The following FGF1 variants were observed in gnomAD, a reference collection of about 807,000 sequenced individuals.
FGF1 encodes fibroblast growth factor 1.
Under a neutral mutation model 13.4 loss-of-function variants are expected in FGF1, and 9 were observed. That is an observed-to-expected ratio of 0.67 (90% CI 0.40 to 1.17). The LOEUF is 1.17. Ranked by LOEUF, FGF1 falls within the 50% of genes most tolerant of loss-of-function variation. FGF1 has a pLI of 0.01. For missense variants in FGF1, 156 were observed against 192.7 expected, an observed-to-expected ratio of 0.81 and a Z score of 1.13; for synonymous variants, 93 against 79.0, an observed-to-expected ratio of 1.18 and a Z score of -0.94.
At chr5:142,641,311 G>T (rs1765167565) in intron 1 of FGF1, among the ~76,000 whole-genome samples, 1 of 152,020 alleles carries the variant, frequency 6.6e-6, no homozygotes, top group Non-Finnish European at 1.5e-5. Flanking sequence ...TGAGATTTCT[G>T]CTGTCTGGTT....
intron 1 of FGF1, among the ~76,000 whole-genome samples, chr5:142,650,755 T>A (rs918723988): frequency 5.3e-5 from 8 of 152,156 alleles, no homozygotes; most frequent in Non-Finnish European, 1.0e-4. Context: ...GATATTGCTG[T>A]AGTATTAATT....
intron 3 of FGF1, among the ~76,000 whole-genome samples, chr5:142,597,616 T>C (rs1481667915): frequency 2.0e-5 from 3 of 152,240 alleles, no homozygotes; most frequent in Non-Finnish European, 2.9e-5. Context: ...AAAACACTTA[T>C]GCTGGAACTG....
chr5:142,606,613 T>G (rs886409494), intron 2 of FGF1, among the ~76,000 whole-genome samples: 1 of 152,016 alleles, frequency 6.6e-6, no homozygotes, highest in Non-Finnish European at 1.5e-5. Context: ...CAGAGCGAGA[T>G]TCCATCTCAA....
chr5:142,626,909 G>A (rs1417944567), intron 1 of FGF1: 1 of 152,220 alleles, frequency 6.6e-6, no homozygotes, highest in African/African-American at 2.4e-5. Context: ...TTTCTGCTGT[G>A]TCATTAAGTT....
intron 1 of FGF1, among the ~76,000 whole-genome samples, chr5:142,635,072 A>C (rs1045534468): frequency 2.6e-5 from 4 of 152,144 alleles, no homozygotes; most frequent in African/African-American, 9.7e-5. Context: ...CAGGGGCTGA[A>C]TGTCTTAAGG....
At chr5:142,678,014 G>A (rs765004995) in intron 1 of FGF1, among the ~76,000 whole-genome samples, 1 of 152,180 alleles carries the variant, frequency 6.6e-6, no homozygotes, top group Non-Finnish European at 1.5e-5. Flanking sequence ...GAAGAACTGG[G>A]GGGAAAGCAT....
intron 3 of FGF1, among the ~76,000 whole-genome samples, chr5:142,595,842 G>A (rs148487508): frequency 6.6e-6 from 1 of 152,302 alleles, no homozygotes; most frequent in African/African-American, 2.4e-5. Flanking sequence ...TACCTTGAGG[G>A]CAGGGCTGGA....
chr5:142,671,788 C>T (rs1771512139), intron 1 of FGF1: 2 of 152,214 alleles, frequency 1.3e-5, no homozygotes, highest in African/African-American at 4.8e-5. Context: ...TTGTTTCATT[C>T]CAGGCAGAGT....
intron 1 of FGF1, among the ~76,000 whole-genome samples, chr5:142,661,155 G>A (rs1240373491): frequency 6.6e-6 from 1 of 152,106 alleles, no homozygotes; most frequent in Non-Finnish European, 1.5e-5. Flanking sequence ...ATATTATTGA[G>A]CACCTGTGAC....
intron 1 of FGF1, among the ~76,000 whole-genome samples, chr5:142,620,221 T>C (rs1406059945): frequency 6.6e-6 from 1 of 151,992 alleles, no homozygotes; most frequent in Non-Finnish European, 1.5e-5. Flanking sequence ...ATCGAGACCA[T>C]CCTGGCTAAC....
intron 3 of FGF1, among the ~76,000 whole-genome samples, chr5:142,598,902 C>T (rs141713459): frequency 3.9e-5 from 6 of 152,064 alleles, no homozygotes; most frequent in Non-Finnish European, 5.9e-5. Context: ...TTACAATAAA[C>T]GTCAAAATTT....
upstream of FGF1, among the ~76,000 whole-genome samples, chr5:142,688,600 C>T (rs1037831151): frequency 1.3e-5 from 2 of 152,236 alleles, no homozygotes; most frequent in Admixed American, 6.5e-5. Flanking sequence ...AGCTCTTACA[C>T]CACTTTAAAA....
intron 1 of FGF1, among the ~76,000 whole-genome samples, chr5:142,656,134 C>G (rs572815081): frequency 3.9e-5 from 6 of 152,210 alleles, no homozygotes; most frequent in African/African-American, 9.6e-5. Context: ...AATCTGTGAA[C>G]AAATTTCCCA....
At chr5:142,646,099 T>C (rs1361873606) in intron 1 of FGF1, among the ~76,000 whole-genome samples, 46 of 150,868 alleles carry the variant, frequency 3.0e-4, no homozygotes, top group African/African-American at 9.7e-4. Context: ...GTAGTAGAGA[T>C]GGGGTTTCAG....
intron 1 of FGF1, among the ~76,000 whole-genome samples, chr5:142,675,874 T>G (rs1772480795): frequency 6.6e-6 from 1 of 152,312 alleles, no homozygotes; most frequent in East Asian, 1.9e-4. Context: ...GTACATATAT[T>G]GAGGAACTGA....
chr5:142,693,637 TA>T (rs1408503808), intron 2 of FGF1, among the ~76,000 whole-genome samples: 1 of 152,182 alleles, frequency 6.6e-6, no homozygotes, highest in Non-Finnish European at 1.5e-5. Flanking sequence ...AATTTTAGAA[TA>T]TTTTTGTCAC....
At position 142,614,003 on chromosome 5, in the gene FGF1, G is replaced by T. The variant is rs770103681; in HGVS notation, c.125C>A (p.Pro42Gln). ...CCTTGTCCCATCCACTGTGCCATCCGGAAGGATCCTCAGGAAGTGGCCCCC... is the reference window on the plus strand; with the variant it reads ...CCTTGTCCCATCCACTGTGCCATCCTGAAGGATCCTCAGGAAGTGGCCCCC... ...SNGGHFLRIL[P>Q]DGTVDGTRDR... The change falls in exon 2 of 4, where the codon CCG becomes CAG. Residue 42 changes from proline to glutamine, a missense_variant. Pro to Gln is a moderately conservative substitution (Grantham distance 76). Coordinates refer to ENST00000337706, the MANE Select transcript of FGF1 (RefSeq NM_000800.5). 1.2e-6 allele frequency: 2 copies of T among 1,614,084 alleles called. No individual in the cohort carries two copies. Among genetic ancestry groups the T allele is most frequent in the South Asian group, 1.1e-5 (1 of 91,068 alleles).
intron 1 of FGF1, among the ~76,000 whole-genome samples, chr5:142,631,135 A>G (rs971399666): frequency 5.9e-5 from 9 of 152,216 alleles, no homozygotes; most frequent in African/African-American, 1.9e-4. Context: ...GCTACGCACT[A>G]AGGGACTTCA....
At chr5:142,667,277 C>G (rs545547879) in intron 1 of FGF1, among the ~76,000 whole-genome samples, 1 of 147,462 alleles carries the variant, frequency 6.8e-6, no homozygotes, top group Admixed American at 6.8e-5. Flanking sequence ...GAGCGAGACT[C>G]GGTCTCAAGA....
Sources: allele counts gnomAD v4.1 joint callset (sites outside exome capture counted in the v4.1 genomes callset), GRCh38; gene constraint gnomAD v4.1.1; transcripts MANE v1.5; gene names NCBI Gene and HGNC (gene_info 2026-07-23, HGNC 2026-07-21).